The following TOX3 variants were observed in gnomAD, a reference collection of about 807,000 sequenced individuals.
TOX3 encodes TOX high mobility group box family member 3.
TOX3 carries 22 observed loss-of-function variants against 64.3 expected under a neutral mutation model. The observed-to-expected ratio is 0.34, with a 90% CI of 0.24 to 0.49. The LOEUF (loss-of-function observed/expected upper bound fraction) is 0.49. Among genes scored for constraint, TOX3 ranks in the 20% least tolerant of loss-of-function variants. The pLI, the probability that TOX3 is intolerant of heterozygous loss-of-function variation, is 0.99. For synonymous variants in TOX3, 291 were observed against 273.6 expected (o/e 1.06, Z -0.63); for missense variants, 661 against 714.4 (o/e 0.93, Z 0.85).
intron 1 of TOX3, 45 bp from the exon 2 acceptor site, chr16:52,468,619 A>C: frequency 3.4e-6 from 5 of 1,453,578 alleles, no homozygotes; most frequent in Non-Finnish European, 4.8e-6. Flanking sequence ...GGCATAATAA[A>C]GCATTCTGGC....
In TOX3 at chr16:52,437,557, C is replaced by T. The variant is rs1044113794; in HGVS notation, c.*1668G>A. The T allele has an allele frequency of 6.6e-6, 1 of 152,414 alleles. No individual in the cohort carries two copies. The highest frequency in any genetic ancestry group is 1.5e-5 in the Non-Finnish European group (1 of 68,038). The allele number at this position is 152,414 out of a possible 1,614,324, so 9.4% of individuals were successfully genotyped here. On this transcript the variant is annotated 3_prime_UTR_variant, in exon 7 of 7. Transcript: ENST00000219746. ...ATTATAGCTTCTGACAGGACAGATG[C>T]TGTAATTAATCATGCAAGACAACTG...
At chr16:52,459,155 T>C (rs67015408) in intron 3 of TOX3, among the ~76,000 whole-genome samples, 31,299 of 151,858 alleles carry the variant, frequency 0.21, 3,994 homozygotes, top group East Asian at 0.59. Flanking sequence ...GTCTCTATAA[T>C]AATTTTAAAA....
At chr16:52,477,052 G>C (rs918426330) in intron 1 of TOX3, among the ~76,000 whole-genome samples, 9 of 152,100 alleles carry the variant, frequency 5.9e-5, no homozygotes, top group Non-Finnish European at 1.2e-4. Flanking sequence ...GCTGAGGTTT[G>C]GGATATGAAT....
chr16:52,510,255 A>G (rs2151471115), intron 1 of TOX3, among the ~76,000 whole-genome samples: 1 of 152,268 alleles, frequency 6.6e-6, no homozygotes. Flanking sequence ...TTGTTTGTCA[A>G]TAAAGTGATT....
At chr16:52,495,672 A>G (rs1229959000) in intron 1 of TOX3, among the ~76,000 whole-genome samples, 2 of 152,190 alleles carry the variant, frequency 1.3e-5, no homozygotes, top group Non-Finnish European at 2.9e-5. Context: ...CTTAACTACC[A>G]CCACGGTGTT....
intron 2 of TOX3, among the ~76,000 whole-genome samples, chr16:52,465,083 C>T (rs1960820106): frequency 1.5e-5 from 2 of 134,912 alleles, no homozygotes; most frequent in Admixed American, 8.5e-5. Context: ...GGTGCCATCT[C>T]GGCTCACTGC....
chr16:52,545,715 G>A (rs1963160173), intron 1 of TOX3, among the ~76,000 whole-genome samples: 1 of 152,160 alleles, frequency 6.6e-6, no homozygotes, highest in African/African-American at 2.4e-5. Flanking sequence ...CGCCCTCAGG[G>A]TGATGTTTTC....
At chr16:52,520,805 A>C (rs1037664247) in intron 1 of TOX3, among the ~76,000 whole-genome samples, 1 of 152,158 alleles carries the variant, frequency 6.6e-6, no homozygotes, top group African/African-American at 2.4e-5. Context: ...TGTAACCCTA[A>C]ACATTTTTTT....
intron 1 of TOX3, among the ~76,000 whole-genome samples, chr16:52,496,296 T>A (rs1431112649): frequency 2.0e-5 from 3 of 152,218 alleles, no homozygotes; most frequent in Non-Finnish European, 4.4e-5. Context: ...CAGGTTATAC[T>A]TGCAGTAATA....
chr16:52,504,283 G>A (rs1302731833), intron 1 of TOX3, among the ~76,000 whole-genome samples: 1 of 151,996 alleles, frequency 6.6e-6, no homozygotes, highest in African/African-American at 2.4e-5. Context: ...TGGCTAAGAC[G>A]GTGAAACCCC....
At chr16:52,444,499 G>GCACGCA (rs1960106165) in intron 5 of TOX3, 143 bp from the exon 6 acceptor site, 1 of 363,102 alleles carries the variant, frequency 2.8e-6, no homozygotes, top group African/African-American at 2.3e-5. Context: ...GTTAGCGCAT[G>GCACGCA]CACACACACA....
At chr16:52,443,448 G>A (rs1960065692) in intron 6 of TOX3, among the ~76,000 whole-genome samples, 1 of 152,076 alleles carries the variant, frequency 6.6e-6, no homozygotes, top group African/African-American at 2.4e-5. Context: ...TAAAGAAGAA[G>A]CAACTCAGGT....
At chr16:52,493,098 G>C (rs1382638241) in intron 1 of TOX3, among the ~76,000 whole-genome samples, 1 of 152,054 alleles carries the variant, frequency 6.6e-6, no homozygotes, top group East Asian at 1.9e-4. Flanking sequence ...ACCTGCAAAA[G>C]ACTATACAGT....
chr16:52,546,223 G>T (rs1311959519), intron 1 of TOX3, among the ~76,000 whole-genome samples: 6 of 152,256 alleles, frequency 3.9e-5, no homozygotes, highest in East Asian at 1.9e-4. Context: ...GACTGGGGGT[G>T]GGGGAGGGCA....
rs114920286 is a variant in TOX3, at chr16:52,535,218, A to G, written c.87+11419T>C. 1.4e-3 allele frequency among the ~76,000 whole-genome samples: 207 copies of G among 152,310 alleles called. 1 individual carries two copies. Among genetic ancestry groups the G allele is most frequent in the African/African-American group, 4.6e-3 (190 of 41,578 alleles). ...CACTCACACACAGCACACTTGCTGA[A>G]CTACCTGGTGTCCCTTCCTCTCCAC... On this transcript the variant is annotated intron_variant, in intron 1 of 6. Transcript: ENST00000219746.
chr16:52,524,617 T>C (rs1296799038), intron 1 of TOX3, among the ~76,000 whole-genome samples: 1 of 152,182 alleles, frequency 6.6e-6, no homozygotes. Flanking sequence ...CTCACTCTTG[T>C]TACAAGAACA....
rs1961844238 is a variant in TOX3, at chr16:52,496,133, A to G, written c.88-27559T>C. On this transcript the variant is annotated intron_variant, in intron 1 of 6. Transcript: ENST00000219746. ...ATACCATATAATCAAGATTGCTTAA[A>G]TGTATAAAACTGTCAAGCAGATTAT... 2.6e-5 allele frequency among the ~76,000 whole-genome samples: 4 copies of G among 152,258 alleles called. No homozygotes were observed. In the South Asian group the frequency reaches 8.3e-4, roughly 31 times the overall value.
intron 1 of TOX3, among the ~76,000 whole-genome samples, chr16:52,514,166 G>A (rs575025661): frequency 1.3e-5 from 2 of 152,324 alleles, no homozygotes; most frequent in East Asian, 3.9e-4. Context: ...ATTTCTAAGG[G>A]AATCAGAATA....
rs1315309030 is a variant in TOX3 at position 52,450,383 on chromosome 16, C to A, written c.572G>T (p.Gly191Val). The A allele has an allele frequency of 1.9e-6, 3 of 1,613,844 alleles. No homozygotes were observed. Among genetic ancestry groups the A allele is most frequent in the African/African-American group, 1.3e-5 (1 of 74,910 alleles). Reference protein sequence around the residue: ...QLSAQLGLNLGGASMPHTSPS... With the variant: ...QLSAQLGLNLVGASMPHTSPS... ...AGATGTGTGAGGCATACTGGCACCTCCCAAATTCAACCCCAACTGGGCGCT... is the reference window on the plus strand; with the variant it reads ...AGATGTGTGAGGCATACTGGCACCTACCAAATTCAACCCCAACTGGGCGCT... Residue 191 changes from glycine (G) to valine (V), a missense_variant, in exon 4 of 7, where the codon GGA becomes GTA. Coordinates refer to ENST00000219746, the MANE Select transcript of TOX3 (RefSeq NM_001080430.4).
Sources: gnomAD v4.1 joint callset for allele counts (sites outside exome capture counted in the v4.1 genomes callset) on GRCh38, gnomAD v4.1.1 for gene constraint, MANE v1.5 for transcripts, NCBI Gene and HGNC (gene_info 2026-07-23, HGNC 2026-07-21) for gene names.